DERA: variants seen among roughly 807,000 people sequenced by gnomAD.
DERA encodes deoxyribose-phosphate aldolase, also known as 2-deoxy-D-ribose 5-phosphate aldolase.
Under a neutral mutation model 41.1 loss-of-function variants are expected in DERA, and 15 were observed. That is an observed-to-expected ratio of 0.37 (90% CI 0.24 to 0.56). The LOEUF is 0.56. DERA is among the 20% of genes least tolerant of loss of function. The pLI is 0.81. For synonymous variants in DERA, 139 were observed against 137.4 expected (o/e 1.01, Z -0.08); for missense variants, 396 against 403.4 (o/e 0.98, Z 0.16).
rs924469155 is a variant in DERA at position 15,984,037 on chromosome 12, G to C, written c.637+1601G>C. On this transcript the variant is annotated intron_variant, in intron 6 of 8. Transcript: ENST00000428559. The surrounding 1 kb of genome is among the most constrained non-coding windows in gnomAD (Gnocchi z 4.5). ...CAGGTAGCCCCCCTTTATGCTGCTT[G>C]CCAGCACAAGTGATTGTTAGCCCAG... Among the ~76,000 whole-genome samples the C allele has an allele frequency of 2.6e-5, 4 of 152,160 alleles. No homozygotes were observed. Among genetic ancestry groups the C allele is most frequent in the African/African-American group, 4.8e-5 (2 of 41,422 alleles).
rs111945337 is a variant in DERA at position 15,948,692 on chromosome 12, C to T, written c.32-8244C>T. Among the ~76,000 whole-genome samples the T allele has an allele frequency of 2.3e-3, 355 of 152,318 alleles. 3 individuals are homozygous for T. Among genetic ancestry groups the T allele is most frequent in the African/African-American group, 8.1e-3 (338 of 41,578 alleles). On this transcript the variant is annotated intron_variant, in intron 1 of 8. Transcript: ENST00000428559. ...GTTTGATCATCTGAAGCTATCTTCTCTCAACTCGTCAAAGTCATTCTCTGT... is the reference window on the plus strand; with the variant it reads ...GTTTGATCATCTGAAGCTATCTTCTTTCAACTCGTCAAAGTCATTCTCTGT...
In DERA at chr12:15,982,173, T is replaced by G; in HGVS notation, c.509-135T>G. The G allele has an allele frequency of 1.2e-6, 1 of 840,860 alleles. No individual in the cohort carries two copies. Among genetic ancestry groups the G allele is most frequent in the Non-Finnish European group, 1.8e-6 (1 of 555,710 alleles). 52.1% of individuals were successfully genotyped at this position (840,860 alleles called of 1,614,324 possible). On this transcript the variant is annotated intron_variant, in intron 5 of 8. Transcript: ENST00000428559. The surrounding 1 kb of genome is among the most constrained non-coding windows in gnomAD (Gnocchi z 4.0). The stretch of plus-strand genomic sequence containing the variant: ...ACAGAATGCTCCAGGCAATGTTAAA[T>G]TGGGGTGATTTTTAGAAAGTGACAA...
In DERA at chr12:15,967,556, A is replaced by C. The variant is rs1057403657; in HGVS notation, c.508+4609A>C. ...GTTTCATTACTGATTATATTATCCC[A>C]GAATACAGTGATGCTTTCAGGGGCC... On this transcript the variant is annotated intron_variant, in intron 5 of 8. Coordinates refer to ENST00000428559, the MANE Select transcript of DERA (RefSeq NM_015954.4). The surrounding 1 kb of genome is among the most constrained non-coding windows in gnomAD (Gnocchi z 4.9). Among the ~76,000 whole-genome samples, 1 of 152,222 alleles carries C rather than the reference A, an allele frequency of 6.6e-6. No individual in the cohort carries two copies. The highest frequency in any genetic ancestry group is 2.4e-5 in the African/African-American group (1 of 41,474).
intron 5 of DERA, among the ~76,000 whole-genome samples, chr12:15,979,861 G>T (rs942435165): frequency 6.6e-6 from 1 of 152,170 alleles, no homozygotes; most frequent in Non-Finnish European, 1.5e-5. Context: ...AATTCACTTG[G>T]CATCAGAAGG....
chr12:15,998,188 G>A lies in DERA; in HGVS notation c.637+15752G>A, dbSNP rs532625881. Among the ~76,000 whole-genome samples, 1 of 152,276 alleles carries A rather than the reference G, an allele frequency of 6.6e-6. No homozygotes were observed. The highest frequency in any genetic ancestry group is 2.1e-4 in the South Asian group (1 of 4,818). Reference sequence around the variant, plus strand: ...TTTCAGGGGTCATGAACGGAGCCAAGGAAATTCATACTTTGAGAAACATGC... The same window carrying A: ...TTTCAGGGGTCATGAACGGAGCCAAAGAAATTCATACTTTGAGAAACATGC... On this transcript the variant is annotated intron_variant, in intron 6 of 8. Coordinates refer to ENST00000428559, the MANE Select transcript of DERA (RefSeq NM_015954.4). This position sits in a 1 kb window ranked among gnomAD's most constrained non-coding sequence, Gnocchi z 4.8.
chr12:15,912,418 C>T (rs1163942268), intron 1 of DERA, among the ~76,000 whole-genome samples: 1 of 152,170 alleles, frequency 6.6e-6, no homozygotes, highest in Non-Finnish European at 1.5e-5. Flanking sequence ...ATAATTCAAA[C>T]AGCAAAACCA....
At chr12:16,032,824 AT>A (rs1289274322) in intron 7 of DERA, 170 bp downstream of exon 7, 5 of 574,618 alleles carry the variant, frequency 8.7e-6, no homozygotes, top group Non-Finnish European at 1.2e-5. Context: ...ATGGAGAAAA[AT>A]TGTGATGAAC....
intron 1 of DERA, among the ~76,000 whole-genome samples, chr12:15,934,673 A>G (rs1437918994): frequency 6.6e-6 from 1 of 152,108 alleles, no homozygotes; most frequent in Non-Finnish European, 1.5e-5. Context: ...CTTAACAGAT[A>G]TTTTAACTGC....
chr12:15,954,866 C>T lies in DERA; in HGVS notation c.32-2070C>T, dbSNP rs147460746. Among the ~76,000 whole-genome samples, 118 of 152,236 alleles carry T rather than the reference C, an allele frequency of 7.8e-4. No individual in the cohort carries two copies. Among genetic ancestry groups the T allele is most frequent in the African/African-American group, 2.7e-3 (114 of 41,552 alleles). ...TTGCCCCACTGAGTAATAGGCCTAC[C>T]TCTTTTTGATCACGGTCAACAATTA... On this transcript the variant is annotated intron_variant, in intron 1 of 8. Coordinates refer to ENST00000428559, the MANE Select transcript of DERA (RefSeq NM_015954.4). The surrounding 1 kb of genome is among the most constrained non-coding windows in gnomAD (Gnocchi z 4.0).
At position 16,026,261 on chromosome 12, in the gene DERA, T is replaced by C. The variant is rs545200696; in HGVS notation, c.638-6281T>C. Among the ~76,000 whole-genome samples, 626 of 151,216 alleles carry C rather than the reference T, an allele frequency of 4.1e-3. 5 individuals carry two copies. The highest frequency in any genetic ancestry group is 0.014 in the African/African-American group (581 of 41,322). Reference sequence around the variant, plus strand: ...ATATCCTAAAAGCTACTTTTTTTTTTCTCCCCCCGTAAGATTGGTAAACAG... The same window carrying C: ...ATATCCTAAAAGCTACTTTTTTTTTCCTCCCCCCGTAAGATTGGTAAACAG... On this transcript the variant is annotated intron_variant, in intron 6 of 8. Coordinates refer to ENST00000428559, the MANE Select transcript of DERA (RefSeq NM_015954.4). The surrounding 1 kb of genome is among the most constrained non-coding windows in gnomAD (Gnocchi z 4.4).
chr12:15,955,993 C>T (rs1375500484), intron 1 of DERA, among the ~76,000 whole-genome samples: 1 of 152,192 alleles, frequency 6.6e-6, no homozygotes, highest in East Asian at 1.9e-4. Context: ...TCCGATTTAC[C>T]GTGAGGCCAC....
chr12:15,930,983 C>T (rs931348421), intron 1 of DERA, among the ~76,000 whole-genome samples: 1 of 152,106 alleles, frequency 6.6e-6, no homozygotes, highest in Non-Finnish European at 1.5e-5. Flanking sequence ...ATTGTATAAT[C>T]TTCAAGTTCC....
intron 5 of DERA, among the ~76,000 whole-genome samples, chr12:15,963,456 A>G (rs1948601792): frequency 6.6e-6 from 1 of 152,212 alleles, no homozygotes; most frequent in Admixed American, 6.5e-5. Flanking sequence ...TCTGATGACT[A>G]TCATGAAATT....
chr12:16,034,300 T>A (rs1165845794), intron 7 of DERA, among the ~76,000 whole-genome samples: 8 of 152,224 alleles, frequency 5.3e-5, no homozygotes. Context: ...ATGAGTATGT[T>A]CCTTCTCAGG....
chr12:15,971,024 A>G (rs1948655690), intron 5 of DERA, among the ~76,000 whole-genome samples: 1 of 152,226 alleles, frequency 6.6e-6, no homozygotes, highest in African/African-American at 2.4e-5. Context: ...ACACCATGGG[A>G]CATGTACAGA....
chr12:15,948,002 C>A (rs1380854850), intron 1 of DERA, among the ~76,000 whole-genome samples: 1 of 152,184 alleles, frequency 6.6e-6, no homozygotes, highest in Admixed American at 6.5e-5. Flanking sequence ...GTTGAAAATT[C>A]TTTTCTTTAA....
At chr12:16,034,475 A>C (rs1949113623) in intron 7 of DERA, among the ~76,000 whole-genome samples, 1 of 152,210 alleles carries the variant, frequency 6.6e-6, no homozygotes, top group African/African-American at 2.4e-5. Context: ...AGTTTTATTA[A>C]GAAAAAGACA....
At chr12:15,923,701 CTTT>C (rs10641594) in intron 1 of DERA, among the ~76,000 whole-genome samples, 23 of 146,194 alleles carry the variant, frequency 1.6e-4, no homozygotes, top group African/African-American at 5.0e-4. Context: ...TATAGTCTTC[CTTT>C]TTTTTTTTTT....
Position 15,936,931 on chromosome 12 carries a change from C to CCG in DERA, c.32-20005_32-20004insCG, listed in dbSNP as rs1948371322. On this transcript the variant is annotated intron_variant, in intron 1 of 8. Transcript: ENST00000428559. The surrounding 1 kb of genome is among the most constrained non-coding windows in gnomAD (Gnocchi z 4.6). Reference sequence around the variant, plus strand: ...CTGTCCTGTCCTGTCCTGTCCTGTCCTGTCTTGTCCTGTCCCGTCCTGTCC... The same window carrying CCG: ...CTGTCCTGTCCTGTCCTGTCCTGTCCCGTGTCTTGTCCTGTCCCGTCCTGTCC... 7.5e-6 allele frequency among the ~76,000 whole-genome samples: 1 copy of CCG among 133,316 alleles called. No homozygotes were observed. The highest frequency in any genetic ancestry group is 1.6e-5 in the Non-Finnish European group (1 of 62,804). The allele number at this position is 133,316 out of a possible 152,430, so 87.5% of individuals were successfully genotyped here. A position where few individuals can be genotyped will look rare whatever the true frequency, so the allele number is the denominator to read the frequency against.
Sources: gnomAD v4.1 joint callset for allele counts (sites outside exome capture counted in the v4.1 genomes callset) on GRCh38, gnomAD v4.1.1 for gene constraint, Gnocchi (gnomAD v3.1) non-coding constraint, MANE v1.5 for transcripts, NCBI Gene and HGNC (gene_info 2026-07-23, HGNC 2026-07-21) for gene names.